Variants in RTN4IP1 observed in about 807,000 individuals in gnomAD.
RTN4IP1 encodes reticulon 4 interacting protein 1.
RTN4IP1 carries 32 observed loss-of-function variants against 46.6 expected under a neutral mutation model. That is an observed-to-expected ratio of 0.69 (90% confidence interval 0.52 to 0.92). The LOEUF (loss-of-function observed/expected upper bound fraction) is 0.92, where lower values mean the gene tolerates loss of function less well. Ranked by LOEUF, RTN4IP1 falls within the 40% of genes least tolerant of loss-of-function variation. The pLI is 0.00. For synonymous variants in RTN4IP1, 167 were observed against 161.8 expected (o/e 1.03, Z -0.24); for missense variants, 424 against 485.8 (o/e 0.87, Z 1.20).
At chr6:106,611,943 C>T (rs1207704048) in intron 4 of RTN4IP1, among the ~76,000 whole-genome samples, 2 of 152,202 alleles carry the variant, frequency 1.3e-5, no homozygotes, top group Non-Finnish European at 2.9e-5. Context: ...GAACTTTATA[C>T]ACAGGATAAC....
At chr6:106,609,817 G>C (rs1318770948) in intron 4 of RTN4IP1, among the ~76,000 whole-genome samples, 1 of 152,122 alleles carries the variant, frequency 6.6e-6, no homozygotes, top group Non-Finnish European at 1.5e-5. Context: ...AAATAAAAAA[G>C]CAAAACTGTG....
intron 7 of RTN4IP1, among the ~76,000 whole-genome samples, chr6:106,587,345 T>G (rs1170189248): frequency 6.6e-6 from 1 of 152,184 alleles, no homozygotes; most frequent in Non-Finnish European, 1.5e-5. Context: ...AAAGGCAACA[T>G]TTAATAAGGG....
chr6:106,599,047 A>G (rs1043680246), intron 5 of RTN4IP1, among the ~76,000 whole-genome samples: 7 of 150,522 alleles, frequency 4.7e-5, no homozygotes, highest in Non-Finnish European at 8.9e-5. Flanking sequence ...TTTTTTTCAC[A>G]TCTTGTATTA....
At position 106,629,326 on chromosome 6, in the gene RTN4IP1, G is replaced by T; in HGVS notation, c.-305C>A. The T allele has an allele frequency of 1.9e-6, 1 of 530,046 alleles. No homozygotes were observed. The allele number at this position is 530,046 out of a possible 1,614,324, so 32.8% of individuals were successfully genotyped here. On this transcript the variant is annotated 5_prime_UTR_variant, in exon 1 of 9. Transcript: ENST00000369063. ...AAAAGGGGGGGCGGGGCATTAAAAA[G>T]CAGGTGCGCAAACCCCCTAGATCCC...
chr6:106,598,423 G>C (rs1437671858), intron 5 of RTN4IP1, among the ~76,000 whole-genome samples: 3 of 150,654 alleles, frequency 2.0e-5, no homozygotes, highest in African/African-American at 7.3e-5. Flanking sequence ...TAGTGGTTTT[G>C]ATTTGCATTT....
intron 8 of RTN4IP1, among the ~76,000 whole-genome samples, chr6:106,575,902 A>G (rs1775215827): frequency 6.6e-6 from 1 of 152,172 alleles, no homozygotes; most frequent in Non-Finnish European, 1.5e-5. Context: ...TCCACCAGGC[A>G]CAGAGGCTGC....
At chr6:106,575,333 G>C (rs1016741511) in intron 8 of RTN4IP1, among the ~76,000 whole-genome samples, 4 of 152,174 alleles carry the variant, frequency 2.6e-5, no homozygotes, top group Non-Finnish European at 4.4e-5. Context: ...TTCATGTGTG[G>C]GGTGCTGATT....
intron 7 of RTN4IP1, among the ~76,000 whole-genome samples, chr6:106,583,893 A>AT (rs201841304): frequency 5.9e-5 from 9 of 151,874 alleles, no homozygotes; most frequent in African/African-American, 7.2e-5. Context: ...CCCAATCACA[A>AT]TTTTTTTTTC....
chr6:106,585,180 T>G (rs1775454391), intron 7 of RTN4IP1, among the ~76,000 whole-genome samples: 1 of 152,192 alleles, frequency 6.6e-6, no homozygotes, highest in African/African-American at 2.4e-5. Flanking sequence ...TGCAACTAAC[T>G]TAAAAAGAAG....
At chr6:106,611,362 T>C (rs1392489503) in intron 4 of RTN4IP1, among the ~76,000 whole-genome samples, 1 of 152,198 alleles carries the variant, frequency 6.6e-6, no homozygotes, top group African/African-American at 2.4e-5. Context: ...GCCTTCAAAA[T>C]TGCCCCAGAT....
upstream of RTN4IP1, among the ~76,000 whole-genome samples, chr6:106,630,451 T>G (rs1776798756): frequency 6.6e-6 from 1 of 152,220 alleles, no homozygotes; most frequent in Non-Finnish European, 1.5e-5. Flanking sequence ...AATAAATCAC[T>G]AAGCCCTCTT....
intron 5 of RTN4IP1, among the ~76,000 whole-genome samples, chr6:106,595,421 A>C (rs571680080): frequency 6.6e-6 from 1 of 151,568 alleles, no homozygotes; most frequent in South Asian, 2.1e-4. Flanking sequence ...CTTAATACCC[A>C]TATCTGCTTA....
intron 8 of RTN4IP1, among the ~76,000 whole-genome samples, chr6:106,576,334 T>G (rs747533270): frequency 2.6e-5 from 4 of 152,084 alleles, no homozygotes; most frequent in Non-Finnish European, 5.9e-5. Context: ...TAGGTACCCC[T>G]AAAAAATGCA....
intron 7 of RTN4IP1, among the ~76,000 whole-genome samples, chr6:106,585,307 C>T (rs1775458252): frequency 6.6e-6 from 1 of 152,168 alleles, no homozygotes; most frequent in Non-Finnish European, 1.5e-5. Flanking sequence ...GACTCTGTCT[C>T]TACAAAACAA....
intron 4 of RTN4IP1, among the ~76,000 whole-genome samples, chr6:106,607,284 A>C (rs988749240): frequency 2.3e-5 from 3 of 129,452 alleles, no homozygotes; most frequent in Admixed American, 9.2e-5. Context: ...CATAAGACCC[A>C]AAAAAAAACT....
chr6:106,608,324 G>A (rs569592378), intron 4 of RTN4IP1, among the ~76,000 whole-genome samples: 3 of 152,262 alleles, frequency 2.0e-5, no homozygotes, highest in Admixed American at 1.3e-4. Flanking sequence ...TTTATCAGTC[G>A]CCAGGAAGGG....
intron 5 of RTN4IP1, among the ~76,000 whole-genome samples, chr6:106,596,812 A>T (rs73761703): frequency 2.6e-4 from 39 of 152,298 alleles, no homozygotes; most frequent in African/African-American, 8.9e-4. Flanking sequence ...CTTCATGTTG[A>T]TAACAGTCTG....
chr6:106,597,683 TTTTG>T (rs1025174583), intron 5 of RTN4IP1, among the ~76,000 whole-genome samples: 73 of 151,476 alleles, frequency 4.8e-4, no homozygotes, highest in African/African-American at 1.3e-3. Context: ...TTTTTCTGCA[TTTTG>T]TTTCTTTTTT....
In RTN4IP1 at chr6:106,581,707, C is replaced by T. The variant is rs1775375949; in HGVS notation, c.1083+1621G>A. ...GTTGTTTATCATGTCCTATTTTAGC[C>T]ATTACCAGTTATCTGCCAAATGTAA... is the stretch of plus-strand genomic sequence containing the variant. On this transcript the variant is annotated intron_variant, in intron 8 of 8. Transcript: ENST00000369063. Among the ~76,000 whole-genome samples the T allele has an allele frequency of 1.3e-5, 2 of 152,190 alleles. 1 individual carries two copies. The highest frequency in any genetic ancestry group is 4.1e-4 in the South Asian group (2 of 4,830).
Sources: gnomAD v4.1 joint callset for allele counts (sites outside exome capture counted in the v4.1 genomes callset) on GRCh38, gnomAD v4.1.1 for gene constraint, MANE v1.5 for transcripts, NCBI Gene and HGNC (gene_info 2026-07-23, HGNC 2026-07-21) for gene names.